Variants in MAPK8IP3 observed in about 807,000 individuals in gnomAD.
MAPK8IP3 encodes C-Jun-amino-terminal kinase-interacting protein 3.
A neutral mutation model predicts 157.8 loss-of-function variants in MAPK8IP3; 49 were observed. That is an observed-to-expected ratio of 0.31 (90% CI 0.25 to 0.39). MAPK8IP3 has a LOEUF of 0.39. MAPK8IP3 is among the 10% of genes least tolerant of loss of function. The probability of loss-of-function intolerance (pLI) is 1.00; values close to 1 mark genes in which losing one functional copy is unlikely to be tolerated. For synonymous variants in MAPK8IP3, 897 were observed against 777.7 expected (o/e 1.15, Z -2.55); for missense variants, 1,478 against 1,889.4 (o/e 0.78, Z 4.04).
chr16:1,759,808 C>T (rs1490176622), intron 10 of MAPK8IP3, 150 bp from the exon 11 acceptor site: 12 of 688,068 alleles, frequency 1.7e-5, no homozygotes, highest in Non-Finnish European at 2.6e-5. Flanking sequence ...GCATGAGCCC[C>T]GCCCTTCACG....
At chr16:1,738,207 T>A (rs2040207241) in intron 4 of MAPK8IP3, among the ~76,000 whole-genome samples, 1 of 92,038 alleles carries the variant, frequency 1.1e-5, no homozygotes, top group African/African-American at 4.8e-5. Context: ...ACCGTCCGTG[T>A]GTGTGACCAT....
At chr16:1,759,757 C>G (rs1488676277) in intron 10 of MAPK8IP3, among the ~76,000 whole-genome samples, 1 of 152,260 alleles carries the variant, frequency 6.6e-6, no homozygotes, top group East Asian at 1.9e-4. Context: ...AGAACCACCC[C>G]AAGGCCTGGG....
intron 4 of MAPK8IP3, among the ~76,000 whole-genome samples, chr16:1,731,073 G>A (rs964567376): frequency 2.0e-5 from 3 of 152,084 alleles, no homozygotes; most frequent in African/African-American, 7.2e-5. Flanking sequence ...TTGGGAGGCG[G>A]AGACTGCAGT....
At chr16:1,715,374 C>G (rs1319707830) in intron 1 of MAPK8IP3, among the ~76,000 whole-genome samples, 2 of 152,154 alleles carry the variant, frequency 1.3e-5, no homozygotes. Context: ...CATTTTAGAC[C>G]TAGGTGGCCA....
In MAPK8IP3 at chr16:1,747,082, C is replaced by T. The variant is rs1186991035; in HGVS notation, c.801C>T (p.Pro267=). Reference sequence around the variant, plus strand: ...GCCAGTCCTCGGCGGCCGCCACACCCAGCACCACAGGCACCAAGTCCAACA... The same window carrying T: ...GCCAGTCCTCGGCGGCCGCCACACCTAGCACCACAGGCACCAAGTCCAACA... ...ESGQSSAAAT[P]STTGTKSNTP... Residue 267 remains proline, a synonymous_variant, in exon 6 of 32, where the codon CCC becomes CCT. Coordinates refer to ENST00000610761, the MANE Select transcript of MAPK8IP3 (RefSeq NM_001318852.2). The T allele has an allele frequency of 6.2e-7, 1 of 1,613,656 alleles. No homozygotes were observed. Among genetic ancestry groups the T allele is most frequent in the Admixed American group, 1.7e-5 (1 of 60,032 alleles).
intron 1 of MAPK8IP3, among the ~76,000 whole-genome samples, chr16:1,718,860 A>G (rs193049295): frequency 7.2e-5 from 11 of 151,850 alleles, no homozygotes; most frequent in African/African-American, 2.4e-4. Flanking sequence ...CCTCAAGATG[A>G]GTTTTCTCTC....
chr16:1,770,261 G>C lies in MAPK8IP3; in HGVS notation c.*1437G>C, dbSNP rs774268395. 1 of 176,624 alleles carries C rather than the reference G, an allele frequency of 5.7e-6. No individual in the cohort carries two copies. Among genetic ancestry groups the C allele is most frequent in the African/African-American group, 2.4e-5 (1 of 42,396 alleles). The allele number at this position is 176,624 out of a possible 1,614,324, so 10.9% of individuals were successfully genotyped here. On this transcript the variant is annotated 3_prime_UTR_variant, in exon 32 of 32. Transcript: ENST00000610761. ...GGGTGACGATTCTCCTCAGGCTTTGGCCCTGCAAGCAAACCCACATATCTG... is the reference window on the plus strand; with the variant it reads ...GGGTGACGATTCTCCTCAGGCTTTGCCCCTGCAAGCAAACCCACATATCTG...
In MAPK8IP3 at chr16:1,750,034, G is replaced by A. The variant is rs143540649; in HGVS notation, c.1216+1314G>A. On this transcript the variant is annotated intron_variant, in intron 8 of 31. Transcript: ENST00000610761. ...GAATGCTCCCCGAGATCAGGACGGC[G>A]GTGAGGGCGCACTTTGGTGCTGTGA... 5.1e-3 allele frequency among the ~76,000 whole-genome samples: 774 copies of A among 152,196 alleles called. 5 individuals are homozygous for A. Among genetic ancestry groups the A allele is most frequent in the Middle Eastern group, 0.014 (4 of 294 alleles).
chr16:1,759,840 G>A, intron 10 of MAPK8IP3, 118 bp from the exon 11 acceptor site: 1 of 869,340 alleles, frequency 1.2e-6, no homozygotes, highest in Non-Finnish European at 1.9e-6. Flanking sequence ...CTGTAGATCG[G>A]GCGTCATCCC....
chr16:1,730,893 A>T (rs938903194), intron 4 of MAPK8IP3, among the ~76,000 whole-genome samples: 1 of 149,342 alleles, frequency 6.7e-6, no homozygotes, highest in Non-Finnish European at 1.5e-5. Flanking sequence ...TAATCCCGGC[A>T]CTTTGGAAGG....
intron 1 of MAPK8IP3, among the ~76,000 whole-genome samples, chr16:1,714,362 T>A (rs914563504): frequency 2.0e-5 from 3 of 152,198 alleles, no homozygotes; most frequent in Admixed American, 2.0e-4. Flanking sequence ...GCGGAGACCC[T>A]TAGAGCCCAC....
At chr16:1,755,726 A>C (rs1307804638) in intron 8 of MAPK8IP3, among the ~76,000 whole-genome samples, 1 of 152,000 alleles carries the variant, frequency 6.6e-6, no homozygotes, top group Non-Finnish European at 1.5e-5. Flanking sequence ...ACATGCCTGT[A>C]ATCCCAGCTA....
intron 18 of MAPK8IP3, 40 bp downstream of exon 18, chr16:1,764,250 C>G: frequency 6.3e-7 from 1 of 1,598,680 alleles, no homozygotes; most frequent in South Asian, 1.1e-5. Flanking sequence ...GCTGGGCGAG[C>G]GGGAGGCTGG....
chr16:1,743,988 G>A lies in MAPK8IP3; in HGVS notation c.747+512G>A, dbSNP rs1394780957. On this transcript the variant is annotated intron_variant, in intron 5 of 31. Transcript: ENST00000610761. This position sits in a 1 kb window ranked among gnomAD's most constrained non-coding sequence, Gnocchi z 5.6. ...CCCCTCCCTGCCTGTCCCTGGTAAC[G>A]CCTCCTGGGTCCTGAGTTTGAGAAA... 8 of 997,236 alleles carry A rather than the reference G, an allele frequency of 8.0e-6. No individual in the cohort carries two copies. Among genetic ancestry groups the A allele is most frequent in the East Asian group, 1.1e-4 (1 of 8,854 alleles). The allele number at this position is 997,236 out of a possible 1,614,324, so 61.8% of individuals were successfully genotyped here. A position where few individuals can be genotyped will look rare whatever the true frequency, so the allele number is the denominator to read the frequency against.
At chr16:1,767,427 G>A (rs975888477) in intron 26 of MAPK8IP3, 130 bp downstream of exon 26, 17 of 1,501,172 alleles carry the variant, frequency 1.1e-5, no homozygotes, top group Non-Finnish European at 1.5e-5. Flanking sequence ...TATGACTCAG[G>A]CTCGAACAGG....
intron 8 of MAPK8IP3, among the ~76,000 whole-genome samples, chr16:1,750,066 T>C (rs1356593421): frequency 6.6e-6 from 1 of 152,212 alleles, no homozygotes. Context: ...GTGAATTTTC[T>C]GTGGAACTTT....
At position 1,766,802 on chromosome 16, in the gene MAPK8IP3, G is replaced by C; in HGVS notation, c.3019G>C (p.Val1007Leu). The C allele has an allele frequency of 6.2e-7, 1 of 1,612,684 alleles. No individual in the cohort carries two copies. The highest frequency in any genetic ancestry group is 8.5e-7 in the Non-Finnish European group (1 of 1,179,930). ...IKLKDSVLSL[V>L]HVKGRVLVAL... ...GCTGAAGGATTCTGTGCTGAGCCTG[G>C]TGTGGGTGACCCCAGACCGAGGGCC... The change falls in exon 24 of 32, where the codon GTG becomes CTG. Residue 1007 changes from valine (V) to leucine (L), a missense_variant and splice_region_variant. By Grantham distance (32) the Val-to-Leu change is conservative. Transcript: ENST00000610761.
Position 1,741,537 on chromosome 16 carries a change from C to T in MAPK8IP3, c.603-1795C>T, listed in dbSNP as rs572829317. Among the ~76,000 whole-genome samples, 1 of 152,250 alleles carries T rather than the reference C, an allele frequency of 6.6e-6. No individual in the cohort carries two copies. Among genetic ancestry groups the T allele is most frequent in the African/African-American group, 2.4e-5 (1 of 41,532 alleles). On this transcript the variant is annotated intron_variant, in intron 4 of 31. Coordinates refer to ENST00000610761, the MANE Select transcript of MAPK8IP3 (RefSeq NM_001318852.2). This position sits in a 1 kb window ranked among gnomAD's most constrained non-coding sequence, Gnocchi z 6.9. ...GTGACAGCCAGGACCGCATCGGCTT[C>T]GGTCTAGGGACTGAGACGTGTCTGA... is the stretch of plus-strand genomic sequence containing the variant.
In MAPK8IP3 at chr16:1,765,235, T is replaced by C. The variant is rs924529011; in HGVS notation, c.2446+57T>C. The C allele has an allele frequency of 3.9e-6, 6 of 1,522,054 alleles. No individual in the cohort carries two copies. In the African/African-American group the frequency reaches 8.3e-5, roughly 21 times the overall value. The allele number at this position is 1,522,054 out of a possible 1,614,324, so 94.3% of individuals were successfully genotyped here. ...GCGCCACTCCCTTTTACTAGCAAGC[T>C]AAGTAAAAGCCCTGCCACACAGCAG... On this transcript the variant is annotated intron_variant, in intron 20 of 31. Coordinates refer to ENST00000610761, the MANE Select transcript of MAPK8IP3 (RefSeq NM_001318852.2).
Sources: allele counts gnomAD v4.1 joint callset (sites outside exome capture counted in the v4.1 genomes callset), GRCh38; gene constraint gnomAD v4.1.1; non-coding constraint Gnocchi (gnomAD v3.1); transcripts MANE v1.5; gene names NCBI Gene and HGNC (gene_info 2026-07-23, HGNC 2026-07-21).